LATS2: variants seen among roughly 807,000 people sequenced by gnomAD.
LATS2 encodes large tumor suppressor kinase 2.
LATS2 carries 24 observed loss-of-function variants against 76.0 expected under a neutral mutation model. The ratio of observed to expected loss-of-function variants is 0.32; its 90% confidence interval spans 0.23 to 0.44. The LOEUF (loss-of-function observed/expected upper bound fraction) is 0.44. Among genes scored for constraint, LATS2 ranks in the 20% least tolerant of loss-of-function variants. The pLI, the probability that LATS2 is intolerant of heterozygous loss-of-function variation, is 1.00. For missense variants in LATS2, 1,286 were observed against 1,481.2 expected (o/e 0.87, Z 2.16); for synonymous variants, 692 against 635.4 (o/e 1.09, Z -1.34).
Position 20,991,527 on chromosome 13 carries a change from G to A in LATS2, c.343-123C>T. The A allele has an allele frequency of 9.3e-7, 1 of 1,074,800 alleles. No individual in the cohort carries two copies. The highest frequency in any genetic ancestry group is 1.3e-6 in the Non-Finnish European group (1 of 742,976). The allele number at this position is 1,074,800 out of a possible 1,614,324, so 66.6% of individuals were successfully genotyped here. A position where few individuals can be genotyped will look rare whatever the true frequency, so the allele number is the denominator to read the frequency against. ...TTCGCCTCTGTACTGCTGAGAACCT[G>A]CGATATGCTGCAGGAGACCCTCAGA... is the stretch of plus-strand genomic sequence containing the variant. On this transcript the variant is annotated intron_variant, in intron 2 of 7. Coordinates refer to ENST00000382592, the MANE Select transcript of LATS2 (RefSeq NM_014572.3). This position sits in a 1 kb window ranked among gnomAD's most constrained non-coding sequence, Gnocchi z 4.9.
chr13:20,974,872 A>G lies in LATS2; in HGVS notation c.3265T>C (p.Ter1089GlnextTer34). 6.2e-7 allele frequency: 1 copy of G among 1,606,772 alleles called. No individual in the cohort carries two copies. The highest frequency in any genetic ancestry group is 8.5e-7 in the Non-Finnish European group (1 of 1,176,260). Reference protein sequence around the residue: ...QTEGCQPVYV* With the variant: ...QTEGCQPVYVQ ...TGGTGGGGGTGCCTGGCCCCCATCT[A>G]CACGTACACAGGCTGGCAGCCTTCA... is the stretch of plus-strand genomic sequence containing the variant. The change falls in exon 8 of 8, where the codon TAG (stop) becomes CAG (glutamine). Residue 1089 changes from the stop codon to glutamine, a stop_lost. Coordinates refer to ENST00000382592, the MANE Select transcript of LATS2 (RefSeq NM_014572.3).
At chr13:21,012,309 A>C (rs1393723697) in intron 2 of LATS2, among the ~76,000 whole-genome samples, 1 of 152,220 alleles carries the variant, frequency 6.6e-6, no homozygotes, top group Non-Finnish European at 1.5e-5. Flanking sequence ...GGGAATGTCA[A>C]GGCCTAGGAC....
At chr13:21,051,638 G>C (rs1873277838) in intron 1 of LATS2, among the ~76,000 whole-genome samples, 1 of 152,162 alleles carries the variant, frequency 6.6e-6, no homozygotes, top group South Asian at 2.1e-4. Context: ...CAGTGGTGGA[G>C]GAGGAAGGCA....
Position 20,982,333 on chromosome 13 carries a change from CAG to C in LATS2, c.2483-687_2483-686del, listed in dbSNP as rs530685148. Among the ~76,000 whole-genome samples, 718 of 152,290 alleles carry C rather than the reference CAG, an allele frequency of 4.7e-3. 3 individuals carry two copies. The highest frequency in any genetic ancestry group is 8.1e-3 in the Non-Finnish European group (549 of 68,028). ...TTTATTTATTTTATTTTATTTGAGA[CAG>C]AGTTTCGCTCTTGTTGCCCAGGCTG... On this transcript the variant is annotated intron_variant, in intron 5 of 7. Coordinates refer to ENST00000382592, the MANE Select transcript of LATS2 (RefSeq NM_014572.3).
At chr13:21,047,948 C>T (rs1873131535) in intron 1 of LATS2, among the ~76,000 whole-genome samples, 1 of 152,152 alleles carries the variant, frequency 6.6e-6, no homozygotes, top group South Asian at 2.1e-4. Context: ...AAATAAATTT[C>T]TCAACATGAA....
At chr13:21,060,597 G>C (rs541650411) in intron 1 of LATS2, among the ~76,000 whole-genome samples, 2 of 152,124 alleles carry the variant, frequency 1.3e-5, no homozygotes, top group South Asian at 4.1e-4. Flanking sequence ...CTGAGGGGCT[G>C]ACTGGCCCGT....
At chr13:20,979,647 T>A in intron 7 of LATS2, 44 bp downstream of exon 7, 2 of 1,086,890 alleles carry the variant, frequency 1.8e-6, no homozygotes, top group South Asian at 2.6e-5. Context: ...CATGAGCAAA[T>A]CAGATGTCTA....
intron 2 of LATS2, among the ~76,000 whole-genome samples, chr13:21,004,579 G>A (rs1325004336): frequency 1.3e-5 from 2 of 152,198 alleles, no homozygotes; most frequent in East Asian, 3.9e-4. Flanking sequence ...AGTGCACACA[G>A]CATGCTGTTC....
At chr13:21,030,210 C>A (rs1872466607) in intron 2 of LATS2, among the ~76,000 whole-genome samples, 1 of 152,054 alleles carries the variant, frequency 6.6e-6, no homozygotes, top group African/African-American at 2.4e-5. Flanking sequence ...CTGGGGATTA[C>A]ATTTCAACAT....
intron 1 of LATS2, among the ~76,000 whole-genome samples, chr13:21,046,505 A>C (rs1253769637): frequency 1.3e-5 from 2 of 152,216 alleles, no homozygotes; most frequent in Non-Finnish European, 2.9e-5. Flanking sequence ...TAGTATTAAC[A>C]ACTGACAGCT....
chr13:21,001,251 A>G (rs1871025670), intron 2 of LATS2, among the ~76,000 whole-genome samples: 1 of 152,118 alleles, frequency 6.6e-6, no homozygotes, highest in South Asian at 2.1e-4. Context: ...AACTTAATAT[A>G]CTCAAAGTTC....
At chr13:21,034,231 G>A (rs1399848660) in intron 2 of LATS2, among the ~76,000 whole-genome samples, 2 of 152,194 alleles carry the variant, frequency 1.3e-5, no homozygotes, top group Non-Finnish European at 2.9e-5. Context: ...CTCAGAAGGT[G>A]CATGGTATGC....
chr13:20,997,789 A>G (rs116095116), intron 2 of LATS2, among the ~76,000 whole-genome samples: 1,903 of 152,306 alleles, frequency 0.012, 46 homozygotes, highest in African/African-American at 0.042. Flanking sequence ...CTGGGCTTGC[A>G]ATGTCTAAGC....
Position 20,981,547 on chromosome 13 carries a change from G to A in LATS2, c.2584C>T (p.Arg862Trp), listed in dbSNP as rs1194403560. The A allele has an allele frequency of 1.9e-5, 31 of 1,614,016 alleles. No homozygotes were observed. Among genetic ancestry groups the A allele is most frequent in the Admixed American group, 8.3e-5 (5 of 60,002 alleles). ...GCCAGGCACCTCTGGTGCTGCTTCC[G>A]CGCCCTCTGCTCTAGGGTCTTCAGC... ...DRLKTLEQRA[R>W]KQHQRCLAHS... The change falls in exon 6 of 8, where the codon CGG (arginine) becomes TGG (tryptophan). Residue 862 changes from arginine to tryptophan, a missense_variant. Coordinates refer to ENST00000382592, the MANE Select transcript of LATS2 (RefSeq NM_014572.3).
At chr13:21,020,732 G>C (rs763977052) in intron 2 of LATS2, among the ~76,000 whole-genome samples, 19 of 152,252 alleles carry the variant, frequency 1.2e-4, no homozygotes, top group South Asian at 8.3e-4. Context: ...TTTTCCACTA[G>C]GAAGGCTGTG....
At chr13:21,024,898 G>A (rs754362058) in intron 2 of LATS2, among the ~76,000 whole-genome samples, 2 of 152,104 alleles carry the variant, frequency 1.3e-5, no homozygotes, top group African/African-American at 2.4e-5. Context: ...CCAAAGCCAC[G>A]CATGGCCTGG....
rs765615303 is a variant in LATS2 at position 21,046,248 on chromosome 13, T to C, written c.-204-18A>G. ...ATCACTCTCTGAAAAAGAAAATAAATGGGAGAGAAATGTTCATTTGTCATT... is the reference window on the plus strand; with the variant it reads ...ATCACTCTCTGAAAAAGAAAATAAACGGGAGAGAAATGTTCATTTGTCATT... On this transcript the variant is annotated intron_variant, in intron 1 of 7. Transcript: ENST00000382592. The C allele has an allele frequency of 1.6e-4, 72 of 447,250 alleles. No homozygotes were observed. The highest frequency in any genetic ancestry group is 2.7e-4 in the Non-Finnish European group (68 of 252,702). The allele number at this position is 447,250 out of a possible 1,614,324, so 27.7% of individuals were successfully genotyped here.
Position 20,997,816 on chromosome 13 carries a change from G to A in LATS2, c.343-6412C>T, listed in dbSNP as rs145945763. Among the ~76,000 whole-genome samples the A allele has an allele frequency of 7.0e-4, 107 of 152,308 alleles. 2 individuals carry two copies. Among genetic ancestry groups the A allele is most frequent in the African/African-American group, 2.2e-3 (93 of 41,564 alleles). ...TGTCTAAGCAGCAGAAGTATTTCAC[G>A]TGCATTGCCATGTGAATGCAAGTAA... On this transcript the variant is annotated intron_variant, in intron 2 of 7. Coordinates refer to ENST00000382592, the MANE Select transcript of LATS2 (RefSeq NM_014572.3).
chr13:21,005,938 A>AC (rs2138327350), intron 2 of LATS2, among the ~76,000 whole-genome samples: 1 of 152,164 alleles, frequency 6.6e-6, no homozygotes, highest in East Asian at 1.9e-4. Flanking sequence ...ACATGGAGAA[A>AC]CCCCGTCTCT....
Sources: gnomAD v4.1 joint callset for allele counts (sites outside exome capture counted in the v4.1 genomes callset) on GRCh38, gnomAD v4.1.1 for gene constraint, Gnocchi (gnomAD v3.1) non-coding constraint, MANE v1.5 for transcripts, NCBI Gene and HGNC (gene_info 2026-07-23, HGNC 2026-07-21) for gene names.